The following KPNA1 variants were observed in gnomAD, a reference collection of about 807,000 sequenced individuals.
KPNA1 encodes importin subunit alpha-5.
Under a neutral mutation model 70.5 loss-of-function variants are expected in KPNA1, and 10 were observed. The ratio of observed to expected loss-of-function variants is 0.14; its 90% CI spans 0.09 to 0.24. The LOEUF (loss-of-function observed/expected upper bound fraction) is 0.24. Among genes scored for constraint, KPNA1 ranks in the 10% least tolerant of loss-of-function variants. KPNA1 has a pLI of 1.00. For missense variants in KPNA1, 397 were observed against 637.9 expected, an observed-to-expected ratio of 0.62 and a Z score of 4.07; for synonymous variants, 192 against 221.9, an observed-to-expected ratio of 0.87 and a Z score of 1.20.
chr3:122,450,485 G>A (rs1327493150), intron 8 of KPNA1, among the ~76,000 whole-genome samples: 1 of 152,200 alleles, frequency 6.6e-6, no homozygotes, highest in Non-Finnish European at 1.5e-5. Flanking sequence ...GGGAGGCTGA[G>A]GCAGGAGAAT....
rs778503343 is a variant in KPNA1 at position 122,427,714 on chromosome 3, T to G, written c.1253A>C (p.Tyr418Ser). The change falls in exon 13 of 14, where the codon TAC becomes TCC. Residue 418 changes from tyrosine (Y) to serine (S), a missense_variant and splice_region_variant. Transcript: ENST00000344337. Reference protein sequence around the residue: ...TSGGSAEQIKYLVELGCIKPL... With the variant: ...TSGGSAEQIKSLVELGCIKPL... Reference sequence around the variant, plus strand: ...CTTGATACAACCCAGTTCTACTAGGTACCTAAATACAAAGAATAATGTAGT... The same window carrying G: ...CTTGATACAACCCAGTTCTACTAGGGACCTAAATACAAAGAATAATGTAGT... 1.9e-6 allele frequency: 3 copies of G among 1,562,104 alleles called. No homozygotes were observed.
chr3:122,430,215 C>T (rs2075882584), intron 12 of KPNA1, among the ~76,000 whole-genome samples: 1 of 152,024 alleles, frequency 6.6e-6, no homozygotes, highest in South Asian at 2.1e-4. Flanking sequence ...ACCACTACTA[C>T]TGCCATCATT....
intron 10 of KPNA1, among the ~76,000 whole-genome samples, chr3:122,438,082 G>T (rs2076012767): frequency 2.0e-5 from 3 of 152,170 alleles, no homozygotes; most frequent in South Asian, 2.1e-4. Flanking sequence ...ATGTTGAATT[G>T]TAATCCCCAA....
At chr3:122,445,360 GA>G (rs1576291973) in intron 9 of KPNA1, among the ~76,000 whole-genome samples, 2 of 152,224 alleles carry the variant, frequency 1.3e-5, no homozygotes, top group East Asian at 1.9e-4. Context: ...AGAGAAAAAA[GA>G]GTAAAAAGAA....
chr3:122,511,132 G>A (rs1395153422), intron 1 of KPNA1, among the ~76,000 whole-genome samples: 5 of 152,194 alleles, frequency 3.3e-5, no homozygotes, highest in African/African-American at 1.2e-4. Context: ...GAAAGCACCT[G>A]ATGCAGAACC....
chr3:122,489,446 T>C (rs10934601), intron 2 of KPNA1, among the ~76,000 whole-genome samples: 77,215 of 151,672 alleles, frequency 0.51, 20,142 homozygotes, highest in East Asian at 0.65. Flanking sequence ...CCACTAAGCC[T>C]GGCTAAGTTT....
rs1483837791 is a variant in KPNA1 at position 122,494,072 on chromosome 3, T to C, written c.129+2365A>G. Among the ~76,000 whole-genome samples the C allele has an allele frequency of 2.6e-5, 4 of 152,194 alleles. No homozygotes were observed. In the South Asian group the frequency reaches 8.3e-4, roughly 32 times the overall value. Reference sequence around the variant, plus strand: ...ACATTAGAACTTTGTCAGATAGTGTTAACAAATACTTTCTCCCATTCTGTA... The same window carrying C: ...ACATTAGAACTTTGTCAGATAGTGTCAACAAATACTTTCTCCCATTCTGTA... On this transcript the variant is annotated intron_variant, in intron 2 of 13. Transcript: ENST00000344337.
intron 2 of KPNA1, among the ~76,000 whole-genome samples, chr3:122,470,333 C>G (rs4677954): frequency 6.6e-6 from 1 of 151,646 alleles, no homozygotes; most frequent in African/African-American, 2.4e-5. Flanking sequence ...TAACACAGTG[C>G]AACCCCATCT....
chr3:122,436,814 G>A (rs182782283), intron 11 of KPNA1, among the ~76,000 whole-genome samples: 1 of 152,292 alleles, frequency 6.6e-6, no homozygotes, highest in African/African-American at 2.4e-5. Flanking sequence ...GTCTTGCTCT[G>A]TCACCCAGGA....
At chr3:122,436,319 G>A (rs530334198) in intron 11 of KPNA1, among the ~76,000 whole-genome samples, 15 of 152,208 alleles carry the variant, frequency 9.9e-5, no homozygotes, top group South Asian at 4.1e-4. Context: ...ATTTCGCCCC[G>A]TGCTCTGCCA....
chr3:122,508,294 A>G (rs888739842), intron 1 of KPNA1, among the ~76,000 whole-genome samples: 4 of 152,214 alleles, frequency 2.6e-5, no homozygotes, highest in African/African-American at 7.2e-5. Flanking sequence ...GAAGAAGGCA[A>G]TAAGAAACAA....
At chr3:122,433,931 C>T in intron 11 of KPNA1, 143 bp from the exon 12 acceptor site, 1 of 680,258 alleles carries the variant, frequency 1.5e-6, no homozygotes, top group Non-Finnish European at 2.3e-6. Context: ...ATGTCATTAT[C>T]TCTAACCTTT....
intron 2 of KPNA1, among the ~76,000 whole-genome samples, chr3:122,492,695 C>T (rs935592503): frequency 2.0e-5 from 3 of 152,170 alleles, no homozygotes; most frequent in East Asian, 1.9e-4. Flanking sequence ...CATTTTCAAA[C>T]GTTTCATGGG....
At chr3:122,500,958 C>T (rs1403454454) in intron 1 of KPNA1, among the ~76,000 whole-genome samples, 1 of 150,834 alleles carries the variant, frequency 6.6e-6, no homozygotes, top group Non-Finnish European at 1.5e-5. Flanking sequence ...TTACTCTGCT[C>T]TTCTTAACTC....
intron 4 of KPNA1, among the ~76,000 whole-genome samples, chr3:122,462,767 A>C: frequency 6.6e-6 from 1 of 152,144 alleles, no homozygotes; most frequent in Admixed American, 6.6e-5. Flanking sequence ...CTCAAGGGAT[A>C]TATTAAATTT....
At chr3:122,433,596 A>G in intron 12 of KPNA1, 65 bp downstream of exon 12, 1 of 1,386,216 alleles carries the variant, frequency 7.2e-7, no homozygotes, top group Non-Finnish European at 9.7e-7. Context: ...GTGGGAGGTT[A>G]TAAAGTGATA....
At chr3:122,438,854 A>G (rs906945966) in intron 10 of KPNA1, among the ~76,000 whole-genome samples, 1 of 152,210 alleles carries the variant, frequency 6.6e-6, no homozygotes, top group Non-Finnish European at 1.5e-5. Flanking sequence ...GCATAAAAAT[A>G]AAGAAATTAT....
intron 1 of KPNA1, among the ~76,000 whole-genome samples, chr3:122,502,486 G>A (rs1017432855): frequency 1.2e-4 from 18 of 152,198 alleles, no homozygotes; most frequent in African/African-American, 4.3e-4. Flanking sequence ...GCAAAAGAGT[G>A]CCCAGAAATC....
intron 10 of KPNA1, 88 bp from the exon 11 acceptor site, chr3:122,437,383 A>T: frequency 2.2e-6 from 2 of 925,082 alleles, no homozygotes; most frequent in Non-Finnish European, 1.6e-6. Flanking sequence ...GAAAGACATA[A>T]CATCTCCCCT....
Sources: allele counts gnomAD v4.1 joint callset (sites outside exome capture counted in the v4.1 genomes callset), GRCh38; gene constraint gnomAD v4.1.1; transcripts MANE v1.5; gene names NCBI Gene and HGNC (gene_info 2026-07-23, HGNC 2026-07-21).